The following HMCN2 variants were observed in gnomAD, a reference collection of about 807,000 sequenced individuals.
HMCN2 encodes hemicentin-2.
Under a neutral mutation model 377.5 loss-of-function variants are expected in HMCN2, and 325 were observed. The observed-to-expected ratio is 0.86, with a 90% CI of 0.79 to 0.94. The LOEUF is 0.94. Among genes scored for constraint, HMCN2 ranks in the 40% least tolerant of loss-of-function variants. HMCN2 has a pLI of 0.00. For missense variants in HMCN2, 4,543 were observed against 4,725.3 expected, an observed-to-expected ratio of 0.96 and a Z score of 1.13; for synonymous variants, 2,007 against 2,046.8, an observed-to-expected ratio of 0.98 and a Z score of 0.53.
rs1469323223 is a variant in HMCN2, at chr9:130,384,535, G to A, written c.8992+1G>A. ...GGTGAAGAGGTCTTCCTCCTGCCTGGTGGGTAAACTGAGGTGTCCGGCCCA... is the reference window on the plus strand; with the variant it reads ...GGTGAAGAGGTCTTCCTCCTGCCTGATGGGTAAACTGAGGTGTCCGGCCCA... On this transcript the variant is annotated splice_donor_variant, in intron 58 of 97. Transcript: ENST00000683500. LOFTEE classifies it high-confidence loss of function. 1 of 1,304,270 alleles carries A rather than the reference G, an allele frequency of 7.7e-7. No individual in the cohort carries two copies. Among genetic ancestry groups the A allele is most frequent in the Non-Finnish European group, 1.0e-6 (1 of 988,964 alleles). 80.8% of individuals were successfully genotyped at this position (1,304,270 alleles called of 1,614,324 possible). A position where few individuals can be genotyped will look rare whatever the true frequency, so the allele number is the denominator to read the frequency against.
Position 130,271,209 on chromosome 9 carries a change from G to A in HMCN2, c.259+5072G>A, listed in dbSNP as rs141230555. Among the ~76,000 whole-genome samples the A allele has an allele frequency of 4.7e-5, 7 of 148,914 alleles. No individual in the cohort carries two copies. In the East Asian group the frequency reaches 1.4e-3, roughly 29 times the overall value. On this transcript the variant is annotated intron_variant, in intron 1 of 97. Transcript: ENST00000683500. ...TGCCTGACTCGGATAGTATTTTTCAGATTTCTCCACTATAGAGTTACTCTT... is the reference window on the plus strand; with the variant it reads ...TGCCTGACTCGGATAGTATTTTTCAAATTTCTCCACTATAGAGTTACTCTT...
At chr9:130,286,159 C>T (rs782448483) in intron 3 of HMCN2, 29 bp from the exon 4 acceptor site, 14 of 469,640 alleles carry the variant, frequency 3.0e-5, no homozygotes, top group South Asian at 1.4e-4. Context: ...CCAGGGAAGT[C>T]GAGAGCAGGC....
rs1379577339 is a variant in HMCN2 at position 130,347,433 on chromosome 9, C to T, written c.4024+73C>T. 2.0e-5 allele frequency: 3 copies of T among 152,320 alleles called. No homozygotes were observed. In the East Asian group the frequency reaches 5.8e-4, roughly 29 times the overall value. 9.4% of individuals were successfully genotyped at this position (152,320 alleles called of 1,614,324 possible). A position where few individuals can be genotyped will look rare whatever the true frequency, so the allele number is the denominator to read the frequency against. On this transcript the variant is annotated intron_variant, in intron 26 of 97. Coordinates refer to ENST00000683500, the MANE Select transcript of HMCN2 (RefSeq NM_001291815.2). This position sits in a 1 kb window ranked among gnomAD's most constrained non-coding sequence, Gnocchi z 5.1. ...CCCAGAGACGGGCCTGTCTTCCTCC[C>T]AGGACCGCATCCGGCCAGAGGCCCA... is the stretch of plus-strand genomic sequence containing the variant.
At position 130,295,040 on chromosome 9, in the gene HMCN2, C is replaced by T. The variant is rs782001078; in HGVS notation, c.784+14C>T. On this transcript the variant is annotated intron_variant, in intron 5 of 97. Transcript: ENST00000683500. ...AAGATCCGCTGGGTATGGACCACCC[C>T]GGGGCTGGCCTCCTCTTTGGCCCCA... is the stretch of plus-strand genomic sequence containing the variant. 5.4e-5 allele frequency: 24 copies of T among 446,528 alleles called. No homozygotes were observed. The highest frequency in any genetic ancestry group is 3.4e-4 in the Middle Eastern group (1 of 2,918). The allele number at this position is 446,528 out of a possible 1,614,324, so 27.7% of individuals were successfully genotyped here.
chr9:130,317,467 ATC>A lies in HMCN2; in HGVS notation c.2351-1990_2351-1989del, dbSNP rs1177875902. ...GCCTAGATGATAGCGAGACCCCACC[ATC>A]TCTCTCTCTCTCTCTCTCTCTCTCT... On this transcript the variant is annotated intron_variant, in intron 15 of 97. Transcript: ENST00000683500. 7.7e-3 allele frequency among the ~76,000 whole-genome samples: 952 copies of A among 123,408 alleles called. 8 individuals are homozygous for A. Among genetic ancestry groups the A allele is most frequent in the East Asian group, 0.018 (66 of 3,616 alleles). The allele number at this position is 123,408 out of a possible 152,430, so 81.0% of individuals were successfully genotyped here.
At chr9:130,327,918 C>T (rs1018329402) in intron 22 of HMCN2, among the ~76,000 whole-genome samples, 3 of 152,210 alleles carry the variant, frequency 2.0e-5, no homozygotes, top group Admixed American at 2.0e-4. Flanking sequence ...TCTGACTCAG[C>T]TGCTCCCGGT....
chr9:130,395,146 G>T (rs1320650033), intron 70 of HMCN2, 38 bp downstream of exon 70: 2 of 1,219,876 alleles, frequency 1.6e-6, no homozygotes, highest in Non-Finnish European at 2.1e-6. Flanking sequence ...GGGCCGGGAG[G>T]CAGGACGGGC....
chr9:130,323,728 G>A (rs941984940), intron 19 of HMCN2, among the ~76,000 whole-genome samples: 2 of 151,252 alleles, frequency 1.3e-5, no homozygotes, highest in South Asian at 4.2e-4. Context: ...TTTCTGAGAC[G>A]CAGTCACTCT....
At position 130,422,956 on chromosome 9, in the gene HMCN2, G is replaced by A. The variant is rs1453167167; in HGVS notation, c.13381+230G>A. Among the ~76,000 whole-genome samples the A allele has an allele frequency of 6.6e-6, 1 of 152,204 alleles. No individual in the cohort carries two copies. The highest frequency in any genetic ancestry group is 1.9e-4 in the East Asian group (1 of 5,196). The stretch of plus-strand genomic sequence containing the variant: ...ACAACCTCCCAAAAACAAAGGAACT[G>A]CATTTACAGTCAGACCAAGAGTGTG... On this transcript the variant is annotated intron_variant, in intron 87 of 97. Coordinates refer to ENST00000683500, the MANE Select transcript of HMCN2 (RefSeq NM_001291815.2). The surrounding 1 kb of genome is among the most constrained non-coding windows in gnomAD (Gnocchi z 4.2).
rs772528561 is a variant in HMCN2, at chr9:130,351,490, A to T, written c.4498A>T (p.Ser1500Cys). The change falls in exon 30 of 98, where the codon AGT becomes TGT. Residue 1500 changes from serine to cysteine, a missense_variant. Ser to Cys is a moderately radical substitution (Grantham distance 112). Around this residue, in one of 5 missense-constraint regions of HMCN2, gnomAD observed 1,032 missense variants for 1,285.1 expected, o/e 0.80. Transcript: ENST00000683500. This position sits in a 1 kb window ranked among gnomAD's most constrained non-coding sequence, Gnocchi z 5.4. ...EDGQVLRITG[S>C]HVGDEGRYQC... is the part of the protein sequence containing the mutation. Reference sequence around the variant, plus strand: ...TGGCCAGGTTCTCAGGATCACCGGCAGTCACGTGGGGGATGAGGGACGATA... The same window carrying T: ...TGGCCAGGTTCTCAGGATCACCGGCTGTCACGTGGGGGATGAGGGACGATA... The T allele has an allele frequency of 7.7e-7, 1 of 1,304,248 alleles. No individual in the cohort carries two copies. The highest frequency in any genetic ancestry group is 1.2e-5 in the South Asian group (1 of 81,014). The allele number at this position is 1,304,248 out of a possible 1,614,324, so 80.8% of individuals were successfully genotyped here.
chr9:130,361,950 C>A lies in HMCN2; in HGVS notation c.5951-58C>A. ...CTGCAGGGGTGCCCAGCCAGGGGCC[C>A]TGCCTGCTTTGCCCCAGTGGGGCTC... On this transcript the variant is annotated intron_variant, in intron 38 of 97. Coordinates refer to ENST00000683500, the MANE Select transcript of HMCN2 (RefSeq NM_001291815.2). The surrounding 1 kb of genome is among the most constrained non-coding windows in gnomAD (Gnocchi z 4.8). The A allele has an allele frequency of 1.0e-6, 1 of 980,022 alleles. No individual in the cohort carries two copies. The highest frequency in any genetic ancestry group is 1.2e-6 in the Non-Finnish European group (1 of 824,640). The allele number at this position is 980,022 out of a possible 1,614,324, so 60.7% of individuals were successfully genotyped here. A position where few individuals can be genotyped will look rare whatever the true frequency, so the allele number is the denominator to read the frequency against.
chr9:130,429,134 C>T (rs1209994921), intron 93 of HMCN2: 1 of 189,656 alleles, frequency 5.3e-6, no homozygotes, highest in East Asian at 1.6e-4. Context: ...GCCTGCCGCC[C>T]TTCCTGCCGC....
Position 130,425,262 on chromosome 9 carries a change from G to A in HMCN2, c.13641+132G>A, listed in dbSNP as rs1844263213. The A allele has an allele frequency of 3.7e-6, 4 of 1,072,498 alleles. No homozygotes were observed. In the African/African-American group the frequency reaches 6.4e-5, roughly 17 times the overall value. 66.4% of individuals were successfully genotyped at this position (1,072,498 alleles called of 1,614,324 possible). Reference sequence around the variant, plus strand: ...CGCTGCAGGGCTGGGTCACAGTCTAGCCTTGGACTTAGGGTAGGATGAGCA... The same window carrying A: ...CGCTGCAGGGCTGGGTCACAGTCTAACCTTGGACTTAGGGTAGGATGAGCA... On this transcript the variant is annotated intron_variant, in intron 89 of 97. Transcript: ENST00000683500.
chr9:130,296,762 A>G lies in HMCN2; in HGVS notation c.980A>G (p.Asp327Gly), dbSNP rs1554932309. 1 of 471,068 alleles carries G rather than the reference A, an allele frequency of 2.1e-6. No individual in the cohort carries two copies. Among genetic ancestry groups the G allele is most frequent in the South Asian group, 1.5e-5 (1 of 64,558 alleles). The allele number at this position is 471,068 out of a possible 1,614,324, so 29.2% of individuals were successfully genotyped here. A position where few individuals can be genotyped will look rare whatever the true frequency, so the allele number is the denominator to read the frequency against. The change falls in exon 7 of 98, where the codon GAC becomes GGC. Residue 327 changes from aspartate to glycine, a missense_variant. Physicochemically the swap from Asp to Gly is moderately conservative, Grantham distance 94 (BLOSUM62 -1). Transcript: ENST00000683500. Reference sequence around the variant, plus strand: ...GGCTTCTCCACTCAGCCCTTGCTGGACCTCAACCACACCCTCGAGTGGCCC... The same window carrying G: ...GGCTTCTCCACTCAGCCCTTGCTGGGCCTCAACCACACCCTCGAGTGGCCC... ...RAGFSTQPLL[D>G]LNHTLEWPLQ...
In HMCN2 at chr9:130,285,220, C is replaced by T; in HGVS notation, c.393C>T (p.Asn131=). The part of the protein sequence containing the change: ...GAIKAAVEVA[N]PGSFIYVFSD... ...TTAAGGCTGCCGTGGAGGTTGCCAA[C>T]CCCGGATCCTTCATCTACGTCTTTT... is the stretch of plus-strand genomic sequence containing the variant. The change falls in exon 3 of 98, where the codon AAC becomes AAT. Residue 131 remains asparagine, a synonymous_variant. Coordinates refer to ENST00000683500, the MANE Select transcript of HMCN2 (RefSeq NM_001291815.2). The T allele has an allele frequency of 2.1e-6, 1 of 471,148 alleles. No individual in the cohort carries two copies. Among genetic ancestry groups the T allele is most frequent in the Non-Finnish European group, 4.4e-6 (1 of 227,056 alleles). 29.2% of individuals were successfully genotyped at this position (471,148 alleles called of 1,614,324 possible).
At chr9:130,427,695 C>T (rs1447777413) in intron 92 of HMCN2, 76 bp downstream of exon 92, 11 of 1,462,164 alleles carry the variant, frequency 7.5e-6, no homozygotes, top group African/African-American at 2.8e-5. Flanking sequence ...GTCCCCAGGG[C>T]CAGGACCCTG....
In HMCN2 at chr9:130,429,552, C is replaced by G. The variant is rs1770143179; in HGVS notation, c.14198-5C>G. On this transcript the variant is annotated splice_region_variant and splice_polypyrimidine_tract_variant and intron_variant, in intron 93 of 97. Coordinates refer to ENST00000683500, the MANE Select transcript of HMCN2 (RefSeq NM_001291815.2). ...CCCACCACCGACCATGCCCCTGCCT[C>G]CCAGATGTGGACGAATGCCTGGAGG... 6.4e-7 allele frequency: 1 copy of G among 1,550,476 alleles called. No homozygotes were observed. The highest frequency in any genetic ancestry group is 8.7e-7 in the Non-Finnish European group (1 of 1,146,894).
intron 15 of HMCN2, among the ~76,000 whole-genome samples, chr9:130,316,215 G>GGAA (rs1449844675): frequency 2.6e-5 from 4 of 152,218 alleles, no homozygotes; most frequent in Admixed American, 2.0e-4. Flanking sequence ...GTGCGACAAA[G>GGAA]GAAGCAGCGT....
At chr9:130,315,197 CCCT>C in intron 15 of HMCN2, among the ~76,000 whole-genome samples, 1 of 7,044 alleles carries the variant, frequency 1.4e-4, no homozygotes, top group African/African-American at 7.1e-4. Context: ...TCCCTCCCTC[CCCT>C]CCCTCCCCTC....
Sources: allele counts gnomAD v4.1 joint callset (sites outside exome capture counted in the v4.1 genomes callset), GRCh38; gene constraint gnomAD v4.1.1; regional missense constraint gnomAD v4.1.1; non-coding constraint Gnocchi (gnomAD v3.1); transcripts MANE v1.5; gene names NCBI Gene and HGNC (gene_info 2026-07-23, HGNC 2026-07-21).